ADAMTSL3: variants seen among roughly 807,000 people sequenced by gnomAD.
ADAMTSL3 encodes ADAMTS like 3.
A neutral mutation model predicts 201.7 loss-of-function variants in ADAMTSL3; 128 were observed. The ratio of observed to expected loss-of-function variants is 0.63; its 90% CI spans 0.55 to 0.73. ADAMTSL3 has a LOEUF of 0.73. Ranked by LOEUF, ADAMTSL3 falls within the 30% of genes least tolerant of loss-of-function variation. The probability of loss-of-function intolerance (pLI) is 0.00; values close to 1 mark genes in which losing one functional copy is unlikely to be tolerated. For missense variants in ADAMTSL3, 1,990 were observed against 2,119.6 expected (o/e 0.94, Z 1.20); for synonymous variants, 738 against 748.4 (o/e 0.99, Z 0.23).
At chr15:83,935,717 A>G (rs542310679) in intron 17 of ADAMTSL3, among the ~76,000 whole-genome samples, 9 of 152,258 alleles carry the variant, frequency 5.9e-5, no homozygotes, top group African/African-American at 1.9e-4. Context: ...TGGCTCAGAA[A>G]AAAAATTCAC....
chr15:83,934,377 G>A (rs1279068523), intron 17 of ADAMTSL3, among the ~76,000 whole-genome samples: 3 of 152,206 alleles, frequency 2.0e-5, no homozygotes, highest in South Asian at 2.1e-4. Context: ...CTCCCATTTG[G>A]AATGGATGTA....
chr15:83,666,079 G>A (rs2061244546), intron 2 of ADAMTSL3, among the ~76,000 whole-genome samples: 1 of 152,006 alleles, frequency 6.6e-6, no homozygotes, highest in South Asian at 2.1e-4. Flanking sequence ...TTAGGATTTT[G>A]TTGTATAGAT....
chr15:83,998,115 T>G (rs1413856590), intron 23 of ADAMTSL3, among the ~76,000 whole-genome samples: 1 of 151,932 alleles, frequency 6.6e-6, no homozygotes, highest in Non-Finnish European at 1.5e-5. Flanking sequence ...TATCAGCCCA[T>G]GAAAAATCCA....
chr15:83,657,992 C>T (rs1383836906), intron 2 of ADAMTSL3, among the ~76,000 whole-genome samples: 1 of 152,214 alleles, frequency 6.6e-6, no homozygotes, highest in South Asian at 2.1e-4. Context: ...TCCCTGGCGT[C>T]TACCCTTGCT....
intron 3 of ADAMTSL3, among the ~76,000 whole-genome samples, chr15:83,767,747 C>T (rs1421892913): frequency 6.6e-6 from 1 of 152,192 alleles, no homozygotes; most frequent in African/African-American, 2.4e-5. Context: ...TTTCTGCCTC[C>T]TGACATTTGA....
In ADAMTSL3 at chr15:84,038,709, C is replaced by T. The variant is rs553016008; in HGVS notation, c.*903C>T. On this transcript the variant is annotated 3_prime_UTR_variant, in exon 30 of 30. Transcript: ENST00000286744. ...AAGAAAGTAATCCAAATAAGAAACACGATAGTTGAAAATAATTTTTATAGT... is the reference window on the plus strand; with the variant it reads ...AAGAAAGTAATCCAAATAAGAAACATGATAGTTGAAAATAATTTTTATAGT... 6 of 152,464 alleles carry T rather than the reference C, an allele frequency of 3.9e-5. No individual in the cohort carries two copies. In the East Asian group the frequency reaches 5.8e-4, roughly 15 times the overall value. 9.4% of individuals were successfully genotyped at this position (152,464 alleles called of 1,614,324 possible). A position where few individuals can be genotyped will look rare whatever the true frequency, so the allele number is the denominator to read the frequency against.
At chr15:83,809,221 C>T (rs2063654039) in intron 5 of ADAMTSL3, among the ~76,000 whole-genome samples, 1 of 152,046 alleles carries the variant, frequency 6.6e-6, no homozygotes, top group Admixed American at 6.6e-5. Context: ...ATAATGTATA[C>T]ATGTATTGAA....
At chr15:83,656,479 C>T (rs1269849296) in intron 2 of ADAMTSL3, among the ~76,000 whole-genome samples, 1 of 152,194 alleles carries the variant, frequency 6.6e-6, no homozygotes, top group East Asian at 1.9e-4. Flanking sequence ...CTGATCGTTG[C>T]TAAGTGGAGA....
At position 83,654,778 on chromosome 15, in the gene ADAMTSL3, G is replaced by C. The variant is rs958608362; in HGVS notation, c.-34+502G>C. ...AGTCGGAGGAGTGTGCACTCGGAAG[G>C]CTGGTGCGAGCAGGCGAGGGTGGCG... On this transcript the variant is annotated intron_variant, in intron 1 of 29. Coordinates refer to ENST00000286744, the MANE Select transcript of ADAMTSL3 (RefSeq NM_207517.3). The surrounding 1 kb of genome is among the most constrained non-coding windows in gnomAD (Gnocchi z 5.3). Among the ~76,000 whole-genome samples the C allele has an allele frequency of 6.6e-6, 1 of 152,146 alleles. No homozygotes were observed. The highest frequency in any genetic ancestry group is 1.5e-5 in the Non-Finnish European group (1 of 68,014).
chr15:83,733,063 C>A (rs973096817), intron 3 of ADAMTSL3, among the ~76,000 whole-genome samples: 1 of 152,152 alleles, frequency 6.6e-6, no homozygotes, highest in Non-Finnish European at 1.5e-5. Flanking sequence ...CCTGCCACAT[C>A]ATTTCCATTT....
chr15:83,661,694 A>G (rs1290990561), intron 2 of ADAMTSL3, among the ~76,000 whole-genome samples: 1 of 152,126 alleles, frequency 6.6e-6, no homozygotes, highest in African/African-American at 2.4e-5. Flanking sequence ...GCTAATATCC[A>G]GAATCTACAA....
intron 6 of ADAMTSL3, among the ~76,000 whole-genome samples, chr15:83,822,153 G>A (rs1163240978): frequency 1.3e-5 from 2 of 149,808 alleles, no homozygotes; most frequent in Non-Finnish European, 3.0e-5. Context: ...CCTCCCAGAC[G>A]GGGCGGCTGG....
intron 19 of ADAMTSL3, among the ~76,000 whole-genome samples, chr15:83,953,256 G>C (rs2066790081): frequency 6.6e-6 from 1 of 151,728 alleles, no homozygotes; most frequent in Non-Finnish European, 1.5e-5. Context: ...ATTTTTTTCT[G>C]GTGGTATGAC....
intron 15 of ADAMTSL3, among the ~76,000 whole-genome samples, chr15:83,910,801 ATTT>A (rs775280665): frequency 1.4e-5 from 2 of 138,092 alleles, no homozygotes; most frequent in Admixed American, 7.2e-5. Flanking sequence ...TGACTGGCTA[ATTT>A]TTTTTTTTTT....
intron 7 of ADAMTSL3, among the ~76,000 whole-genome samples, chr15:83,850,667 T>C (rs1351959051): frequency 6.6e-6 from 1 of 152,192 alleles, no homozygotes; most frequent in African/African-American, 2.4e-5. Context: ...CACAGCTTCC[T>C]GTGCCAGCTA....
At chr15:83,903,913 A>C (rs1422917114) in intron 15 of ADAMTSL3, among the ~76,000 whole-genome samples, 3 of 26,232 alleles carry the variant, frequency 1.1e-4, no homozygotes, top group Non-Finnish European at 1.8e-4. Flanking sequence ...GCCAGACTCC[A>C]CATCAAAAAA....
At chr15:83,715,355 TTAA>T (rs1239383637) in intron 3 of ADAMTSL3, among the ~76,000 whole-genome samples, 6 of 152,334 alleles carry the variant, frequency 3.9e-5, no homozygotes, top group Non-Finnish European at 4.4e-5. Context: ...TTTCTAAAAG[TTAA>T]TAATACATGG....
At chr15:83,926,614 T>A (rs2066250351) in intron 17 of ADAMTSL3, among the ~76,000 whole-genome samples, 1 of 4,196 alleles carries the variant, frequency 2.4e-4, no homozygotes, top group South Asian at 2.9e-3. Flanking sequence ...CACTAACAAC[T>A]TTTTTTTTTT....
chr15:83,674,766 C>CATATATACATAT (rs1555428954), intron 2 of ADAMTSL3, among the ~76,000 whole-genome samples: 1 of 68,952 alleles, frequency 1.5e-5, no homozygotes, highest in Non-Finnish European at 2.8e-5. Flanking sequence ...CACATATATA[C>CATATATACATAT]ATATATATAT....
Sources: allele counts gnomAD v4.1 joint callset (sites outside exome capture counted in the v4.1 genomes callset), GRCh38; gene constraint gnomAD v4.1.1; non-coding constraint Gnocchi (gnomAD v3.1); transcripts MANE v1.5; gene names NCBI Gene and HGNC (gene_info 2026-07-23, HGNC 2026-07-21).